Variants in PPP1R9A observed in about 807,000 individuals in gnomAD.
The protein encoded by PPP1R9A is protein phosphatase 1 regulatory subunit 9A.
A neutral mutation model predicts 141.9 loss-of-function variants in PPP1R9A; 59 were observed. That is an observed-to-expected ratio of 0.42 (90% CI 0.34 to 0.52). PPP1R9A has a LOEUF of 0.52. Among genes scored for constraint, PPP1R9A ranks in the 20% least tolerant of loss-of-function variants. PPP1R9A has a pLI of 0.10. For synonymous variants in PPP1R9A, 500 were observed against 569.7 expected, an observed-to-expected ratio of 0.88 and a Z score of 1.74; for missense variants, 1,444 against 1,611.9, an observed-to-expected ratio of 0.90 and a Z score of 1.78.
intron 8 of PPP1R9A, among the ~76,000 whole-genome samples, chr7:95,237,552 T>C (rs934302901): frequency 1.3e-5 from 2 of 152,066 alleles, no homozygotes; most frequent in African/African-American, 4.8e-5. Context: ...ACATTTTTTC[T>C]GTACTATGGC....
intron 2 of PPP1R9A, among the ~76,000 whole-genome samples, chr7:94,920,052 C>A (rs1465043650): frequency 1.3e-5 from 2 of 152,074 alleles, no homozygotes; most frequent in Non-Finnish European, 2.9e-5. Flanking sequence ...TTCTGGACAT[C>A]TTTTGTTGAA....
chr7:95,188,225 A>G (rs1163020829), intron 5 of PPP1R9A, among the ~76,000 whole-genome samples: 2 of 152,058 alleles, frequency 1.3e-5, no homozygotes, highest in Non-Finnish European at 2.9e-5. Flanking sequence ...TCCTTTCATC[A>G]TTGTATGATT....
intron 3 of PPP1R9A, among the ~76,000 whole-genome samples, chr7:95,120,004 T>G (rs1584791898): frequency 7.3e-6 from 1 of 136,718 alleles, no homozygotes; most frequent in Admixed American, 8.5e-5. Context: ...TCACCCAGGG[T>G]GGAGTGCAAT....
At chr7:95,026,899 T>TGGGAC (rs1806927483) in intron 2 of PPP1R9A, among the ~76,000 whole-genome samples, 1 of 152,094 alleles carries the variant, frequency 6.6e-6, no homozygotes, top group African/African-American at 2.4e-5. Flanking sequence ...GAAAACCACG[T>TGGGAC]ACTCAAGCCT....
chr7:94,952,159 T>C (rs1051076236), intron 2 of PPP1R9A, among the ~76,000 whole-genome samples: 1 of 152,154 alleles, frequency 6.6e-6, no homozygotes, highest in Non-Finnish European at 1.5e-5. Context: ...TGTGTCCATG[T>C]GTTCTCATTG....
chr7:95,058,192 G>A (rs908768101), intron 2 of PPP1R9A, among the ~76,000 whole-genome samples: 1 of 152,090 alleles, frequency 6.6e-6, no homozygotes, highest in African/African-American at 2.4e-5. Flanking sequence ...TAGTTAGATT[G>A]TTTAGTTGAA....
At chr7:95,245,037 T>C (rs1355026116) in intron 8 of PPP1R9A, among the ~76,000 whole-genome samples, 2 of 152,190 alleles carry the variant, frequency 1.3e-5, no homozygotes, top group East Asian at 3.9e-4. Flanking sequence ...TGGCACATGG[T>C]TGAAAGAACA....
chr7:95,194,556 A>G (rs1226675307), intron 5 of PPP1R9A, among the ~76,000 whole-genome samples: 1 of 152,096 alleles, frequency 6.6e-6, no homozygotes, highest in Non-Finnish European at 1.5e-5. Flanking sequence ...GTGATATTAT[A>G]TATCAAATGA....
chr7:95,116,673 G>A (rs1297255219), intron 3 of PPP1R9A, among the ~76,000 whole-genome samples: 1 of 152,106 alleles, frequency 6.6e-6, no homozygotes, highest in East Asian at 1.9e-4. Flanking sequence ...GCAAAAAACA[G>A]TATTAAATTT....
At chr7:95,072,779 ATATAT>A in intron 2 of PPP1R9A, among the ~76,000 whole-genome samples, 1 of 103,940 alleles carries the variant, frequency 9.6e-6, no homozygotes. Context: ...TATTAAATAT[ATATAT>A]TTATATATTA....
chr7:95,128,569 G>A (rs949315102), intron 4 of PPP1R9A, among the ~76,000 whole-genome samples: 4 of 148,218 alleles, frequency 2.7e-5, no homozygotes, highest in African/African-American at 7.9e-5. Flanking sequence ...TTTTCTGTTC[G>A]TTTGTTTGTT....
At chr7:95,265,676 T>G (rs1365606271) in intron 12 of PPP1R9A, among the ~76,000 whole-genome samples, 1 of 152,194 alleles carries the variant, frequency 6.6e-6, no homozygotes, top group African/African-American at 2.4e-5. Context: ...GGCGAAAGTT[T>G]TCAACTTCAT....
intron 2 of PPP1R9A, among the ~76,000 whole-genome samples, chr7:95,023,737 A>C (rs533694272): frequency 6.6e-6 from 1 of 152,132 alleles, no homozygotes; most frequent in South Asian, 2.1e-4. Context: ...TATTTTTATT[A>C]GAGTTGGAGT....
intron 2 of PPP1R9A, among the ~76,000 whole-genome samples, chr7:95,025,901 T>G (rs1038678242): frequency 2.6e-5 from 4 of 152,230 alleles, no homozygotes; most frequent in Non-Finnish European, 4.4e-5. Context: ...ACGAAGTTCT[T>G]GGGCTTTGCT....
intron 2 of PPP1R9A, among the ~76,000 whole-genome samples, chr7:94,916,074 T>C (rs1792039807): frequency 6.6e-6 from 1 of 152,214 alleles, no homozygotes; most frequent in South Asian, 2.1e-4. Context: ...TACTCCCAGC[T>C]TACCTATTTA....
intron 2 of PPP1R9A, among the ~76,000 whole-genome samples, chr7:94,954,553 G>T (rs888339782): frequency 6.6e-6 from 1 of 151,658 alleles, no homozygotes; most frequent in African/African-American, 2.4e-5. Flanking sequence ...TTTTAAGAAT[G>T]TCTTATGAAC....
In PPP1R9A at chr7:95,009,283, T is replaced by C. The variant is rs192701576; in HGVS notation, c.1395+97775T>C. Among the ~76,000 whole-genome samples the C allele has an allele frequency of 5.3e-5, 8 of 152,324 alleles. No individual in the cohort carries two copies. The East Asian group carries it at 1.3e-3, about 26-fold the overall frequency. ...ACCTGCACGTTGTGCACATGTACACTAGAACTTAAAGTATAATGAAGAAAA... is the reference window on the plus strand; with the variant it reads ...ACCTGCACGTTGTGCACATGTACACCAGAACTTAAAGTATAATGAAGAAAA... On this transcript the variant is annotated intron_variant, in intron 2 of 19. Coordinates refer to ENST00000433360, the MANE Select transcript of PPP1R9A (RefSeq NM_001166160.2).
chr7:94,960,149 G>GGAC (rs1797463916), intron 2 of PPP1R9A, among the ~76,000 whole-genome samples: 1 of 149,682 alleles, frequency 6.7e-6, no homozygotes. Flanking sequence ...TGAACTATAT[G>GGAC]GACTTCTTTC....
At chr7:95,115,654 C>T (rs889895421) in intron 3 of PPP1R9A, among the ~76,000 whole-genome samples, 1 of 152,000 alleles carries the variant, frequency 6.6e-6, no homozygotes, top group Admixed American at 6.6e-5. Flanking sequence ...TGCGGTGGCT[C>T]ATGTCTATAA....
Sources: allele counts gnomAD v4.1 joint callset (sites outside exome capture counted in the v4.1 genomes callset), GRCh38; gene constraint gnomAD v4.1.1; transcripts MANE v1.5; gene names NCBI Gene and HGNC (gene_info 2026-07-23, HGNC 2026-07-21).